MID1: variants seen among roughly 807,000 people sequenced by gnomAD.
MID1 encodes the protein midline 1, also known as E3 ubiquitin-protein ligase Midline-1.
In MID1, 7 loss-of-function variants were observed where a neutral mutation model predicts 40.4. The observed-to-expected ratio is 0.17, with a 90% CI of 0.10 to 0.33. MID1 has a LOEUF of 0.33. Among genes scored for constraint, MID1 ranks in the 10% least tolerant of loss-of-function variants. MID1 has a pLI of 1.00. For synonymous variants in MID1, 229 were observed against 221.2 expected, an observed-to-expected ratio of 1.04 and a Z score of -0.31; for missense variants, 367 against 558.5, an observed-to-expected ratio of 0.66 and a Z score of 3.46.
At chrX:10,666,406 C>CAAAAAAAAAA (rs33938561) in intron 1 of MID1, among the ~76,000 whole-genome samples, 3 of 68,852 alleles carry the variant, frequency 4.4e-5, no homozygotes, top group Non-Finnish European at 8.3e-5. Context: ...TGATAAACTG[C>CAAAAAAAAAA]AAAAAAAAAA....
intron 1 of MID1, among the ~76,000 whole-genome samples, chrX:10,763,339 C>T (rs1243558500): frequency 1.2e-4 from 12 of 98,844 alleles, no homozygotes; most frequent in Admixed American, 8.8e-4. Context: ...CAACAGGCCC[C>T]GGTGTGTGAT....
chrX:10,636,165 T>C (rs189822028), intron 1 of MID1, among the ~76,000 whole-genome samples: 2 of 111,969 alleles, frequency 1.8e-5, no homozygotes, highest in African/African-American at 3.2e-5. Flanking sequence ...AAGTAAGTAT[T>C]GTGGAATAAA....
chrX:10,813,915 A>G (rs2044118781), intron 1 of MID1, among the ~76,000 whole-genome samples: 1 of 111,739 alleles, frequency 8.9e-6, no homozygotes, highest in Admixed American at 9.5e-5. Flanking sequence ...TTTCCGCTTC[A>G]TGAGTCAGAA....
At chrX:10,565,320 T>C (rs771430296) in intron 2 of MID1, 36 of 328,529 alleles carry the variant, frequency 1.1e-4, no homozygotes, top group Non-Finnish European at 1.6e-4. Context: ...CCAAGTGACA[T>C]TGAGAAGCAG....
chrX:10,776,492 A>G, intron 1 of MID1, among the ~76,000 whole-genome samples: 1 of 112,320 alleles, frequency 8.9e-6, no homozygotes. Flanking sequence ...AGTGTTCTAA[A>G]TGCTACTTTG....
At chrX:10,499,111 G>C (rs762193010) in intron 3 of MID1, among the ~76,000 whole-genome samples, 1 of 111,816 alleles carries the variant, frequency 8.9e-6, no homozygotes, top group East Asian at 2.8e-4. Flanking sequence ...GCTTGTTATC[G>C]TATGTCTTTT....
At chrX:10,671,439 T>C (rs748439046) in intron 1 of MID1, among the ~76,000 whole-genome samples, 2 of 112,232 alleles carry the variant, frequency 1.8e-5, no homozygotes, top group East Asian at 5.6e-4. Flanking sequence ...AAATTAAATG[T>C]AGTGTGCTTG....
intron 8 of MID1, among the ~76,000 whole-genome samples, 196 bp downstream of exon 8, chrX:10,459,450 G>C (rs1928888951): frequency 8.9e-6 from 1 of 112,117 alleles, no homozygotes; most frequent in Non-Finnish European, 1.9e-5. Flanking sequence ...TGGCCTCACG[G>C]CTGTGAAGGA....
At chrX:10,539,107 T>C (rs1259946282) in intron 2 of MID1, among the ~76,000 whole-genome samples, 2 of 112,413 alleles carry the variant, frequency 1.8e-5, no homozygotes, top group Non-Finnish European at 3.8e-5. Context: ...TATAAGATGA[T>C]TTATTGAAAT....
intron 2 of MID1, among the ~76,000 whole-genome samples, chrX:10,541,247 A>G (rs140962111): frequency 3.6e-5 from 4 of 112,275 alleles, no homozygotes; most frequent in African/African-American, 1.3e-4. Flanking sequence ...ATGCTGTCAC[A>G]TGTTAGCAGG....
chrX:10,550,861 T>C (rs914423797), intron 2 of MID1, among the ~76,000 whole-genome samples: 2 of 110,820 alleles, frequency 1.8e-5, no homozygotes, highest in African/African-American at 3.3e-5. Context: ...TGTATATTGC[T>C]AAGTTTACCC....
intron 1 of MID1, among the ~76,000 whole-genome samples, chrX:10,601,895 G>GT (rs1192838576): frequency 2.8e-4 from 29 of 103,927 alleles, no homozygotes; most frequent in African/African-American, 1.0e-3. Context: ...TTTTGTTTTT[G>GT]TTTTTGTTTT....
At chrX:10,783,029 A>T (rs922720142) in intron 1 of MID1, among the ~76,000 whole-genome samples, 1 of 111,712 alleles carries the variant, frequency 9.0e-6, no homozygotes, top group Non-Finnish European at 1.9e-5. Context: ...CTTCTTGGAC[A>T]CTCCCTAGCC....
At chrX:10,556,095 CA>C (rs34757461) in intron 2 of MID1, among the ~76,000 whole-genome samples, 10,314 of 93,967 alleles carry the variant, frequency 0.11, 875 homozygotes, top group African/African-American at 0.29. Flanking sequence ...GGCAACCCTA[CA>C]AAAAAAAAAA....
intron 7 of MID1, among the ~76,000 whole-genome samples, chrX:10,469,113 C>T (rs1929546725): frequency 9.0e-6 from 1 of 110,916 alleles, no homozygotes; most frequent in Non-Finnish European, 1.9e-5. Flanking sequence ...TCACTGTTGC[C>T]CCGGCTGGAG....
chrX:10,467,838 A>G (rs775926706), intron 7 of MID1, among the ~76,000 whole-genome samples: 1 of 111,432 alleles, frequency 9.0e-6, no homozygotes, highest in African/African-American at 3.3e-5. Context: ...CCCTGGTTCT[A>G]TTTCTCTATC....
intron 7 of MID1, among the ~76,000 whole-genome samples, chrX:10,461,410 C>T (rs1349401622): frequency 1.8e-5 from 2 of 111,010 alleles, no homozygotes; most frequent in Admixed American, 9.7e-5. Flanking sequence ...TGTTTTCCTA[C>T]CAATTCTCAT....
chrX:10,815,478 C>T (rs1027828087), intron 1 of MID1, among the ~76,000 whole-genome samples: 3 of 112,610 alleles, frequency 2.7e-5, no homozygotes, highest in Non-Finnish European at 3.8e-5. Flanking sequence ...GTCATGAGCT[C>T]ACATGTCCTA....
intron 1 of MID1, among the ~76,000 whole-genome samples, chrX:10,576,362 C>T (rs1213519716): frequency 1.8e-5 from 2 of 111,615 alleles, no homozygotes; most frequent in African/African-American, 3.3e-5. Flanking sequence ...AATGAATGAA[C>T]ATTCCTGAGA....
Sources: allele counts gnomAD v4.1 joint callset (sites outside exome capture counted in the v4.1 genomes callset), GRCh38; gene constraint gnomAD v4.1.1; transcripts MANE v1.5; gene names NCBI Gene and HGNC (gene_info 2026-07-23, HGNC 2026-07-21).